The following ADGRL2 variants were observed in gnomAD, a reference collection of about 807,000 sequenced individuals.
ADGRL2 encodes the protein adhesion G protein-coupled receptor L2, also known as calcium-independent alpha-latrotoxin receptor 2.
A neutral mutation model predicts 157.4 loss-of-function variants in ADGRL2; 44 were observed. The observed-to-expected ratio is 0.28, with a 90% CI of 0.22 to 0.36. The LOEUF (loss-of-function observed/expected upper bound fraction) is 0.36. Ranked by LOEUF, ADGRL2 falls within the 10% of genes least tolerant of loss-of-function variation. The pLI, the probability that ADGRL2 is intolerant of heterozygous loss-of-function variation, is 1.00. For synonymous variants in ADGRL2, 585 were observed against 624.7 expected, an observed-to-expected ratio of 0.94 and a Z score of 0.95; for missense variants, 1,510 against 1,768.9, an observed-to-expected ratio of 0.85 and a Z score of 2.63.
At chr1:81,839,035 C>T (rs1479176608) in intron 2 of ADGRL2, among the ~76,000 whole-genome samples, 1 of 151,962 alleles carries the variant, frequency 6.6e-6, no homozygotes, top group East Asian at 1.9e-4. Context: ...ACATCATAGT[C>T]CTTTATTGCC....
chr1:81,463,114 CAAAAAA>C lies in ADGRL2; in HGVS notation c.-248+18040_-248+18045del, dbSNP rs56920139. The stretch of plus-strand genomic sequence containing the variant: ...TGGGCAATAGAGTGAGACCATGTCT[CAAAAAA>C]AAAAAAAAAAAAAAGAAAAAGAAAA... On this transcript the variant is annotated intron_variant, in intron 2 of 24. Coordinates refer to the ADGRL2 transcript ENST00000370721. Among the ~76,000 whole-genome samples, 129 of 93,744 alleles carry C rather than the reference CAAAAAA, an allele frequency of 1.4e-3. 1 individual carries two copies. In the South Asian group the frequency reaches 0.031, roughly 23 times the overall value. The allele number at this position is 93,744 out of a possible 152,430, so 61.5% of individuals were successfully genotyped here. A position where few individuals can be genotyped will look rare whatever the true frequency, so the allele number is the denominator to read the frequency against.
chr1:81,713,668 C>T (rs114757748), intron 1 of ADGRL2, among the ~76,000 whole-genome samples: 7,261 of 152,230 alleles, frequency 0.048, 399 homozygotes, highest in Admixed American at 0.16. Context: ...TGTGTTATCT[C>T]AACAAGTCTG....
At chr1:81,779,718 T>C (rs1406263737) in intron 2 of ADGRL2, among the ~76,000 whole-genome samples, 1 of 152,240 alleles carries the variant, frequency 6.6e-6, no homozygotes, top group Non-Finnish European at 1.5e-5. Flanking sequence ...GAATCATTTG[T>C]GTTTGCATAG....
chr1:81,932,898 C>T (rs1300387102), intron 3 of ADGRL2, among the ~76,000 whole-genome samples: 1 of 152,110 alleles, frequency 6.6e-6, no homozygotes, highest in African/African-American at 2.4e-5. Context: ...GACGGGGTTT[C>T]TCCATGTTGG....
At chr1:81,454,824 G>T (rs764216520) in intron 2 of ADGRL2, among the ~76,000 whole-genome samples, 1 of 152,106 alleles carries the variant, frequency 6.6e-6, no homozygotes, top group South Asian at 2.1e-4. Context: ...TTGCTTAAAC[G>T]TTTTAGAACA....
chr1:81,972,252 A>T (rs945789839), intron 17 of ADGRL2, among the ~76,000 whole-genome samples: 12 of 152,136 alleles, frequency 7.9e-5, no homozygotes, highest in African/African-American at 2.7e-4. Flanking sequence ...AATTTTTATT[A>T]TCTTAGTTTC....
At chr1:81,762,154 A>G (rs1475167430) in intron 2 of ADGRL2, among the ~76,000 whole-genome samples, 1 of 152,138 alleles carries the variant, frequency 6.6e-6, no homozygotes, top group African/African-American at 2.4e-5. Flanking sequence ...TTTAAAATAC[A>G]CAGATATAGA....
intron 1 of ADGRL2, among the ~76,000 whole-genome samples, chr1:81,401,435 TGTG>T (rs1318365070): frequency 2.0e-5 from 3 of 152,214 alleles, no homozygotes; most frequent in Non-Finnish European, 4.4e-5. Flanking sequence ...TGCGGGAAGA[TGTG>T]GTGGAGGCCA....
intron 2 of ADGRL2, among the ~76,000 whole-genome samples, chr1:81,784,155 A>AGAGTTAAGT (rs2086931099): frequency 6.6e-6 from 1 of 152,362 alleles, no homozygotes; most frequent in Admixed American, 6.5e-5. Flanking sequence ...AACATTAACT[A>AGAGTTAAGT]GAGTTAAGTG....
chr1:81,448,205 C>G (rs1295002865), intron 2 of ADGRL2, among the ~76,000 whole-genome samples: 5 of 123,826 alleles, frequency 4.0e-5, no homozygotes, highest in Non-Finnish European at 6.2e-5. Context: ...CATACAGTGG[C>G]TTAATCTCGG....
At chr1:81,987,301 A>G in intron 22 of ADGRL2, 1 of 1,596,430 alleles carries the variant, frequency 6.3e-7, no homozygotes, top group South Asian at 1.1e-5. Context: ...CTGACATCAC[A>G]TGGTCTGAGA....
Position 81,402,323 on chromosome 1 carries a change from T to G in ADGRL2, c.-301-42713T>G, listed in dbSNP as rs1440628415. 6.6e-5 allele frequency among the ~76,000 whole-genome samples: 10 copies of G among 152,316 alleles called. No individual in the cohort carries two copies. In the East Asian group the frequency reaches 1.9e-3, roughly 29 times the overall value. Reference sequence around the variant, plus strand: ...AGGCTCCCTAGTATGTTATTTCACCTGCTGGGTACAGAAACTTCTCTCCAG... The same window carrying G: ...AGGCTCCCTAGTATGTTATTTCACCGGCTGGGTACAGAAACTTCTCTCCAG... On this transcript the variant is annotated intron_variant, in intron 1 of 24. Transcript: ENST00000370721.
intron 1 of ADGRL2, among the ~76,000 whole-genome samples, chr1:81,747,916 G>C (rs575998964): frequency 4.3e-4 from 66 of 152,086 alleles, no homozygotes; most frequent in Non-Finnish European, 7.9e-4. Flanking sequence ...CTAGGTGTAA[G>C]AAAGTAGGAG....
chr1:81,346,619 T>C (rs936398736), intron 1 of ADGRL2, among the ~76,000 whole-genome samples: 4 of 152,058 alleles, frequency 2.6e-5, no homozygotes, highest in Admixed American at 1.3e-4. Flanking sequence ...TCTCTCACTT[T>C]CTCTCCCCAC....
chr1:81,488,747 C>T (rs564684308), intron 2 of ADGRL2, among the ~76,000 whole-genome samples: 13 of 151,700 alleles, frequency 8.6e-5, no homozygotes, highest in African/African-American at 2.9e-4. Flanking sequence ...TTAAAAAAAC[C>T]ATGAGTCGTA....
At chr1:81,930,288 C>G (rs1268307970) in intron 3 of ADGRL2, among the ~76,000 whole-genome samples, 2 of 152,068 alleles carry the variant, frequency 1.3e-5, no homozygotes, top group Admixed American at 1.3e-4. Context: ...AAAAGATAAT[C>G]TTTCTTGAAA....
chr1:81,727,526 T>C lies in ADGRL2; in HGVS notation c.-143+27718T>C, dbSNP rs1293855652. 5.3e-5 allele frequency among the ~76,000 whole-genome samples: 8 copies of C among 151,994 alleles called. No individual in the cohort carries two copies. The East Asian group carries it at 7.8e-4, about 15-fold the overall frequency. On this transcript the variant is annotated intron_variant, in intron 1 of 20. Transcript: ENST00000359929. ...CAGCTCACCCTAACCTCTGACTCCC[T>C]GGTTCAAGCAATTCTCCTGCCTCAG...
intron 2 of ADGRL2, among the ~76,000 whole-genome samples, chr1:81,840,134 G>C (rs2092507980): frequency 2.6e-5 from 4 of 151,776 alleles, no homozygotes; most frequent in Admixed American, 2.6e-4. Context: ...TTGGTGCCTT[G>C]AGAACATTCG....
intron 2 of ADGRL2, among the ~76,000 whole-genome samples, chr1:81,478,123 A>G (rs1161559243): frequency 2.0e-5 from 3 of 152,068 alleles, no homozygotes; most frequent in African/African-American, 7.2e-5. Context: ...GTCTGTGCTC[A>G]ACAGTTTGCA....
Sources: allele counts gnomAD v4.1 joint callset (sites outside exome capture counted in the v4.1 genomes callset), GRCh38; gene constraint gnomAD v4.1.1; transcripts MANE v1.5; gene names NCBI Gene and HGNC (gene_info 2026-07-23, HGNC 2026-07-21).